Variants in CNTNAP2 observed in about 807,000 individuals in gnomAD.
CNTNAP2 encodes the protein contactin associated protein 2, also known as contactin-associated protein-like 2.
Under a neutral mutation model 155.2 loss-of-function variants are expected in CNTNAP2, and 98 were observed. That is an observed-to-expected ratio of 0.63 (90% CI 0.54 to 0.75). CNTNAP2 has a LOEUF of 0.75. CNTNAP2 is among the 30% of genes least tolerant of loss of function. CNTNAP2 has a pLI of 0.00. For missense variants in CNTNAP2, 1,727 were observed against 1,688.1 expected, an observed-to-expected ratio of 1.02 and a Z score of -0.40; for synonymous variants, 651 against 631.2, an observed-to-expected ratio of 1.03 and a Z score of -0.47.
chr7:146,122,555 T>C (rs1797578873), intron 1 of CNTNAP2, among the ~76,000 whole-genome samples: 1 of 152,224 alleles, frequency 6.6e-6, no homozygotes, highest in Non-Finnish European at 1.5e-5. Context: ...AAATAATTTC[T>C]GCATAGTTTA....
chr7:146,611,754 T>G (rs1799141985), intron 1 of CNTNAP2, among the ~76,000 whole-genome samples: 1 of 152,198 alleles, frequency 6.6e-6, no homozygotes, highest in Non-Finnish European at 1.5e-5. Flanking sequence ...TTGGTATAAC[T>G]TTAGGCAAGC....
chr7:146,547,627 G>A (rs1798048003), intron 1 of CNTNAP2, among the ~76,000 whole-genome samples: 1 of 151,906 alleles, frequency 6.6e-6, no homozygotes, highest in Admixed American at 6.6e-5. Context: ...ATATCCTCAA[G>A]ATTCATCCAC....
intron 4 of CNTNAP2, among the ~76,000 whole-genome samples, chr7:147,083,727 G>GTA (rs1205065816): frequency 7.0e-6 from 1 of 142,220 alleles, no homozygotes; most frequent in Non-Finnish European, 1.5e-5. Context: ...TATAGCATGT[G>GTA]TATATACATA....
chr7:147,117,441 C>T (rs541476867), intron 5 of CNTNAP2, among the ~76,000 whole-genome samples: 2 of 152,236 alleles, frequency 1.3e-5, no homozygotes, highest in East Asian at 3.9e-4. Flanking sequence ...TAGCCCCATC[C>T]TGCTTTCCTT....
rs182027293 is a variant in CNTNAP2, at chr7:146,780,347, G to A, written c.208+5966G>A. 4.1e-3 allele frequency among the ~76,000 whole-genome samples: 627 copies of A among 151,986 alleles called. 3 individuals are homozygous for A. Among genetic ancestry groups the A allele is most frequent in the African/African-American group, 0.014 (587 of 41,478 alleles). On this transcript the variant is annotated intron_variant, in intron 2 of 23. Coordinates refer to ENST00000361727, the MANE Select transcript of CNTNAP2 (RefSeq NM_014141.6). ...ACTGCAGGCGCCCGCCACCATGCCT[G>A]GCTAATTTTTTTTTTGTATTTTTAG...
chr7:148,415,486 A>G lies in CNTNAP2; in HGVS notation c.3866A>G (p.His1289Arg). ...TTCCTGATCCGGTACATGTTCCGCC[A>G]CAAGGGCACCTACCATACCAACGAA... is the stretch of plus-strand genomic sequence containing the variant. The part of the protein sequence containing the change: ...LVFLIRYMFR[H>R]KGTYHTNEAK... Residue 1289 changes from histidine (H) to arginine (R), a missense_variant, in exon 24 of 24, where the codon CAC becomes CGC. By Grantham distance (29) the His-to-Arg change is conservative. Transcript: ENST00000361727. The G allele has an allele frequency of 1.9e-6, 3 of 1,614,218 alleles. No homozygotes were observed. The highest frequency in any genetic ancestry group is 1.1e-5 in the South Asian group (1 of 91,082).
intron 8 of CNTNAP2, among the ~76,000 whole-genome samples, chr7:147,222,938 G>T (rs779765537): frequency 7.3e-5 from 11 of 151,220 alleles, no homozygotes; most frequent in Middle Eastern, 6.8e-3. Context: ...GTTGAATTCT[G>T]GTTAACCAGT....
intron 12 of CNTNAP2, among the ~76,000 whole-genome samples, chr7:147,630,982 A>T (rs1795077351): frequency 6.6e-6 from 1 of 152,118 alleles, no homozygotes. Context: ...TAGCAATCAG[A>T]CAAGAGAAAG....
At chr7:147,947,135 T>C (rs1800834929) in intron 14 of CNTNAP2, among the ~76,000 whole-genome samples, 1 of 152,080 alleles carries the variant, frequency 6.6e-6, no homozygotes. Flanking sequence ...ATTATGCAGA[T>C]AAAGCCTCCC....
intron 9 of CNTNAP2, among the ~76,000 whole-genome samples, chr7:147,347,421 TATATATATATATATATATGC>T (rs1390954551): frequency 5.4e-5 from 3 of 55,390 alleles, no homozygotes; most frequent in Admixed American, 4.8e-4. Context: ...GTGAAAAGAT[TATATATATATATATATATGC>T]ATATATATAT....
At chr7:146,280,310 C>T (rs1411702924) in intron 1 of CNTNAP2, among the ~76,000 whole-genome samples, 1 of 152,140 alleles carries the variant, frequency 6.6e-6, no homozygotes, top group African/African-American at 2.4e-5. Context: ...CAAGAATGAG[C>T]CTTAAGTGAA....
rs189302536 is a variant in CNTNAP2, at chr7:147,481,670, G to C, written c.1671-4265G>C. On this transcript the variant is annotated intron_variant, in intron 10 of 23. Coordinates refer to ENST00000361727, the MANE Select transcript of CNTNAP2 (RefSeq NM_014141.6). Reference sequence around the variant, plus strand: ...GCTGGAACTAAGTATGAGTTCGATGGAGAAGGCAGGGCTGTCTGGAGCCCG... The same window carrying C: ...GCTGGAACTAAGTATGAGTTCGATGCAGAAGGCAGGGCTGTCTGGAGCCCG... Among the ~76,000 whole-genome samples, 383 of 152,270 alleles carry C rather than the reference G, an allele frequency of 2.5e-3. 7 individuals carry two copies. Among genetic ancestry groups the C allele is most frequent in the Middle Eastern group, 0.02 (6 of 294 alleles).
chr7:148,052,404 A>C (rs1802911190), intron 15 of CNTNAP2, among the ~76,000 whole-genome samples: 1 of 150,832 alleles, frequency 6.6e-6, no homozygotes, highest in South Asian at 2.1e-4. Flanking sequence ...GTAAAGGTGT[A>C]AAAAGTGTTT....
At chr7:146,733,451 T>C (rs929242716) in intron 1 of CNTNAP2, among the ~76,000 whole-genome samples, 1 of 152,160 alleles carries the variant, frequency 6.6e-6, no homozygotes, top group African/African-American at 2.4e-5. Context: ...TATATACATT[T>C]AAATTCATTT....
At chr7:146,996,673 T>C (rs908718508) in intron 3 of CNTNAP2, among the ~76,000 whole-genome samples, 1 of 152,136 alleles carries the variant, frequency 6.6e-6, no homozygotes, top group African/African-American at 2.4e-5. Context: ...ACTTTAACTT[T>C]TTTTTTCCAA....
rs142900977 is a variant in CNTNAP2, at chr7:147,540,955, G to A, written c.1778-21183G>A. On this transcript the variant is annotated intron_variant, in intron 11 of 23. Coordinates refer to ENST00000361727, the MANE Select transcript of CNTNAP2 (RefSeq NM_014141.6). ...TTGAAACCTGAGTCAGCAAGAAATA[G>A]CAATTATATTTAATGTAATATGATG... 3.5e-3 allele frequency among the ~76,000 whole-genome samples: 531 copies of A among 152,242 alleles called. 6 individuals are homozygous for A. Among genetic ancestry groups the A allele is most frequent in the African/African-American group, 0.012 (494 of 41,552 alleles).
intron 10 of CNTNAP2, among the ~76,000 whole-genome samples, chr7:147,433,288 C>T (rs958639862): frequency 4.6e-5 from 7 of 152,154 alleles, no homozygotes; most frequent in Admixed American, 2.6e-4. Context: ...TTTGTTTAGG[C>T]GATAAATGCA....
chr7:147,399,666 C>T (rs915500274), intron 10 of CNTNAP2, among the ~76,000 whole-genome samples: 1 of 152,126 alleles, frequency 6.6e-6, no homozygotes. Context: ...GTCTACTGGA[C>T]GTCTAAGTAG....
intron 11 of CNTNAP2, among the ~76,000 whole-genome samples, chr7:147,519,370 T>C (rs1799190627): frequency 6.6e-6 from 1 of 152,172 alleles, no homozygotes; most frequent in Non-Finnish European, 1.5e-5. Context: ...GTTAAGATCC[T>C]TGTGTTTCTA....
Sources: allele counts gnomAD v4.1 joint callset (sites outside exome capture counted in the v4.1 genomes callset), GRCh38; gene constraint gnomAD v4.1.1; transcripts MANE v1.5; gene names NCBI Gene and HGNC (gene_info 2026-07-23, HGNC 2026-07-21).